SGTB: variants seen among roughly 807,000 people sequenced by gnomAD.
SGTB encodes small glutamine-rich tetratricopeptide repeat-containing protein beta.
Under a neutral mutation model 43.9 loss-of-function variants are expected in SGTB, and 19 were observed. The observed-to-expected ratio is 0.43, with a 90% CI of 0.30 to 0.63. The LOEUF (loss-of-function observed/expected upper bound fraction) is 0.63, where lower values mean the gene tolerates loss of function less well. Ranked by LOEUF, SGTB falls within the 30% of genes least tolerant of loss-of-function variation. The pLI, the probability that SGTB is intolerant of heterozygous loss-of-function variation, is 0.12. For synonymous variants in SGTB, 116 were observed against 117.3 expected (o/e 0.99, Z 0.07); for missense variants, 304 against 358.9 (o/e 0.85, Z 1.24).
At chr5:65,704,591 A>T (rs1004792601) in intron 4 of SGTB, among the ~76,000 whole-genome samples, 1 of 152,202 alleles carries the variant, frequency 6.6e-6, no homozygotes, top group African/African-American at 2.4e-5. Context: ...AAAGTCTTTT[A>T]AAAAATTAAT....
chr5:65,673,035 T>A (rs1757188600), intron 8 of SGTB, among the ~76,000 whole-genome samples: 1 of 152,214 alleles, frequency 6.6e-6, no homozygotes, highest in Non-Finnish European at 1.5e-5. Context: ...AAACATGAAA[T>A]GCTGTGTTTT....
In SGTB at chr5:65,712,969, A is replaced by T; in HGVS notation, c.196T>A (p.Phe66Ile). 1.2e-6 allele frequency: 2 copies of T among 1,611,844 alleles called. No individual in the cohort carries two copies. The highest frequency in any genetic ancestry group is 1.7e-6 in the Non-Finnish European group (2 of 1,178,558). ...AAATAATGACAACATACCTTACAGAAGGAACTGGTAAACATTTCTGTCAAA... is the reference window on the plus strand; with the variant it reads ...AAATAATGACAACATACCTTACAGATGGAACTGGTAAACATTTCTGTCAAA... ...QPLTEMFTSSFCKNDVLPLSN... is the reference protein window; with the variant it reads ...QPLTEMFTSSICKNDVLPLSN... Residue 66 changes from phenylalanine to isoleucine, a missense_variant, in exon 3 of 11, where the codon TTC becomes ATC. Phe to Ile is a conservative substitution (Grantham distance 21, BLOSUM62 0). Transcript: ENST00000381007.
At chr5:65,695,496 A>G (rs1469783212) in intron 5 of SGTB, among the ~76,000 whole-genome samples, 2 of 152,228 alleles carry the variant, frequency 1.3e-5, no homozygotes, top group Non-Finnish European at 1.5e-5. Flanking sequence ...GAAGCGAAAC[A>G]TGCCAATGTC....
At chr5:65,708,640 AC>A in intron 3 of SGTB, 82 bp from the exon 4 acceptor site, 1 of 1,073,818 alleles carries the variant, frequency 9.3e-7, no homozygotes, top group Non-Finnish European at 1.3e-6. Context: ...ATAATAAATT[AC>A]CCACATTTTA....
At chr5:65,707,438 A>G (rs1757955267) in intron 4 of SGTB, among the ~76,000 whole-genome samples, 1 of 145,738 alleles carries the variant, frequency 6.9e-6, no homozygotes, top group South Asian at 2.2e-4. Flanking sequence ...ACACACACAT[A>G]TATTTTTTTT....
At chr5:65,682,676 G>T (rs1579859655) in intron 6 of SGTB, among the ~76,000 whole-genome samples, 1 of 152,332 alleles carries the variant, frequency 6.6e-6, no homozygotes, top group East Asian at 1.9e-4. Flanking sequence ...AATGTATTGA[G>T]ATTGGAAAGA....
chr5:65,708,534 A>C lies in SGTB; in HGVS notation c.229T>G (p.Ser77Ala), dbSNP rs1416335011. Residue 77 changes from serine (S) to alanine (A), a missense_variant, in exon 4 of 11, where the codon TCA becomes GCA. Ser to Ala is a moderately conservative substitution (Grantham distance 99). Coordinates refer to ENST00000381007, the MANE Select transcript of SGTB (RefSeq NM_019072.3). The stretch of plus-strand genomic sequence containing the variant: ...GCTTTTCCCACATCTTCAGGCACTG[A>C]GTTTGAAAGGGGCAGAACGTCATTC... ...CKNDVLPLSN[S>A]VPEDVGKADQ... 1.2e-6 allele frequency: 2 copies of C among 1,613,544 alleles called. No individual in the cohort carries two copies. Among genetic ancestry groups the C allele is most frequent in the African/African-American group, 2.7e-5 (2 of 74,974 alleles).
chr5:65,720,629 A>T (rs1278760866), intron 2 of SGTB, 79 bp downstream of exon 2: 1 of 1,513,576 alleles, frequency 6.6e-7, no homozygotes, highest in East Asian at 2.4e-5. Flanking sequence ...GTTACAATAG[A>T]TCATCAAGTT....
At chr5:65,715,334 T>C (rs1235362436) in intron 2 of SGTB, among the ~76,000 whole-genome samples, 1 of 152,224 alleles carries the variant, frequency 6.6e-6, no homozygotes, top group Non-Finnish European at 1.5e-5. Flanking sequence ...CTGGTACTGA[T>C]AGAGAAAGAT....
At chr5:65,685,752 T>G (rs1057281534) in intron 5 of SGTB, among the ~76,000 whole-genome samples, 2 of 152,242 alleles carry the variant, frequency 1.3e-5, no homozygotes, top group African/African-American at 4.8e-5. Flanking sequence ...TTTATACCCT[T>G]TCTAGTTTGT....
At chr5:65,678,860 G>C (rs1418711832) in intron 8 of SGTB, among the ~76,000 whole-genome samples, 1 of 152,128 alleles carries the variant, frequency 6.6e-6, no homozygotes, top group Non-Finnish European at 1.5e-5. Context: ...ATGGATTAAA[G>C]ACTTAAATGT....
chr5:65,677,579 C>T (rs1462082736), intron 8 of SGTB, among the ~76,000 whole-genome samples: 1 of 152,060 alleles, frequency 6.6e-6, no homozygotes, highest in Non-Finnish European at 1.5e-5. Flanking sequence ...AACATTGATA[C>T]AAAAATCCTC....
intron 2 of SGTB, among the ~76,000 whole-genome samples, chr5:65,714,079 G>T (rs1758102751): frequency 6.6e-6 from 1 of 152,028 alleles, no homozygotes; most frequent in African/African-American, 2.4e-5. Flanking sequence ...AACAAAAAAA[G>T]TACTCTCACT....
chr5:65,691,909 T>C (rs1434451912), intron 5 of SGTB, among the ~76,000 whole-genome samples: 10 of 144,184 alleles, frequency 6.9e-5, no homozygotes, highest in Admixed American at 2.8e-4. Context: ...CCAGCCTGGG[T>C]GACAGACCGA....
chr5:65,704,179 C>T (rs569641769), intron 5 of SGTB, 100 bp downstream of exon 5: 757 of 882,554 alleles, frequency 8.6e-4, no homozygotes, highest in Admixed American at 1.9e-3. Flanking sequence ...TTTTTCTGAA[C>T]TTTCAAAATT....
chr5:65,679,244 C>T (rs1757344473), intron 8 of SGTB, among the ~76,000 whole-genome samples: 1 of 152,144 alleles, frequency 6.6e-6, no homozygotes, highest in African/African-American at 2.4e-5. Context: ...GAAAAAACAG[C>T]TCAACATCAT....
At chr5:65,676,955 G>T (rs1482133031) in intron 8 of SGTB, among the ~76,000 whole-genome samples, 1 of 146,890 alleles carries the variant, frequency 6.8e-6, no homozygotes, top group African/African-American at 2.5e-5. Context: ...GCTAGCAGAA[G>T]ACAAGAAATA....
chr5:65,713,759 G>A (rs1168674071), intron 2 of SGTB, among the ~76,000 whole-genome samples: 1 of 152,194 alleles, frequency 6.6e-6, no homozygotes, highest in South Asian at 2.1e-4. Flanking sequence ...CAAGTGTGGT[G>A]GGTTACGCCT....
chr5:65,713,211 T>G, intron 2 of SGTB, 147 bp from the exon 3 acceptor site: 1 of 590,400 alleles, frequency 1.7e-6, no homozygotes, highest in Non-Finnish European at 2.9e-6. Flanking sequence ...GCAAAGAAAT[T>G]TCTGTTTATA....
Sources: allele counts gnomAD v4.1 joint callset (sites outside exome capture counted in the v4.1 genomes callset), GRCh38; gene constraint gnomAD v4.1.1; transcripts MANE v1.5; gene names NCBI Gene and HGNC (gene_info 2026-07-23, HGNC 2026-07-21).